The following ESR1 variants were observed in gnomAD, a reference collection of about 807,000 sequenced individuals.
ESR1 encodes estrogen receptor.
A neutral mutation model predicts 52.7 loss-of-function variants in ESR1; 12 were observed. That is an observed-to-expected ratio of 0.23 (90% CI 0.15 to 0.37). The LOEUF is 0.37. Ranked by LOEUF, ESR1 falls within the 10% of genes least tolerant of loss-of-function variation. The probability of loss-of-function intolerance (pLI) is 1.00; values close to 1 mark genes in which losing one functional copy is unlikely to be tolerated. For synonymous variants in ESR1, 305 were observed against 316.8 expected (o/e 0.96, Z 0.39); for missense variants, 584 against 779.7 (o/e 0.75, Z 2.99).
chr6:152,128,151 C>T (rs185651131), exon 7 of ESR1: 6 of 152,144 alleles, frequency 3.9e-5, no homozygotes, highest in Admixed American at 2.0e-4. Flanking sequence ...GAATTAATGG[C>T]GATAAGGTTA....
intron 6 of ESR1, among the ~76,000 whole-genome samples, chr6:152,071,924 C>G (rs2048381944): frequency 6.6e-6 from 1 of 152,140 alleles, no homozygotes; most frequent in Admixed American, 6.5e-5. Flanking sequence ...AAGGCTCTTG[C>G]TACATATTGC....
At chr6:151,693,820 G>A (rs1359717428) in intron 1 of ESR1, among the ~76,000 whole-genome samples, 1 of 152,172 alleles carries the variant, frequency 6.6e-6, no homozygotes, top group African/African-American at 2.4e-5. Context: ...GTTTTACCAT[G>A]TTGGCCAGGC....
chr6:151,667,779 A>T (rs1398302305), intron 1 of ESR1, among the ~76,000 whole-genome samples: 1 of 152,226 alleles, frequency 6.6e-6, no homozygotes, highest in South Asian at 2.1e-4. Flanking sequence ...ACATCAAAAT[A>T]TGCTGATGAG....
intron 1 of ESR1, among the ~76,000 whole-genome samples, chr6:151,673,061 C>T (rs879363492): frequency 2.0e-5 from 3 of 149,388 alleles, no homozygotes; most frequent in Non-Finnish European, 3.0e-5. Context: ...CTTCTGACCT[C>T]GTGATCCGCC....
intron 2 of ESR1, among the ~76,000 whole-genome samples, chr6:151,742,658 A>C (rs1345597254): frequency 6.6e-6 from 1 of 152,204 alleles, no homozygotes; most frequent in Non-Finnish European, 1.5e-5. Flanking sequence ...AGTTACTGCC[A>C]TATAAAAAGT....
chr6:151,909,516 A>G (rs773142594), intron 3 of ESR1, among the ~76,000 whole-genome samples: 9 of 152,356 alleles, frequency 5.9e-5, no homozygotes, highest in Middle Eastern at 3.4e-3. Flanking sequence ...ACACCAGGAA[A>G]GTCTTCAGAT....
chr6:151,939,371 T>A (rs912878414), intron 3 of ESR1, among the ~76,000 whole-genome samples: 1 of 152,216 alleles, frequency 6.6e-6, no homozygotes, highest in Admixed American at 6.5e-5. Context: ...CATATCACTC[T>A]ATGTTGCTGC....
chr6:152,127,642 C>T (rs2152617433), exon 7 of ESR1: 1 of 152,268 alleles, frequency 6.6e-6, no homozygotes, highest in African/African-American at 2.4e-5. Flanking sequence ...ACAGAGAAAC[C>T]TATCGGAGCC....
intron 3 of ESR1, among the ~76,000 whole-genome samples, chr6:151,922,078 A>G (rs150078084): frequency 4.7e-4 from 72 of 152,266 alleles, no homozygotes; most frequent in Middle Eastern, 3.4e-3. Flanking sequence ...CAAAACTTCA[A>G]TAACCAAAAC....
intron 1 of ESR1, among the ~76,000 whole-genome samples, chr6:151,670,998 C>T (rs920413322): frequency 1.3e-5 from 2 of 152,118 alleles, no homozygotes; most frequent in Non-Finnish European, 2.9e-5. Context: ...GAACTCCTGG[C>T]CCCAAGTGAT....
intron 3 of ESR1, among the ~76,000 whole-genome samples, chr6:151,943,919 T>C (rs2035407037): frequency 6.6e-6 from 1 of 152,182 alleles, no homozygotes; most frequent in South Asian, 2.1e-4. Context: ...GGCCTGAAGT[T>C]TGTTATGGTG....
chr6:151,673,422 G>T (rs939945274), intron 1 of ESR1, among the ~76,000 whole-genome samples: 1 of 151,984 alleles, frequency 6.6e-6, no homozygotes, highest in Non-Finnish European at 1.5e-5. Context: ...TCTCTATCTT[G>T]TTTGGTCAGG....
chr6:151,737,249 C>T (rs138107828), intron 2 of ESR1, among the ~76,000 whole-genome samples: 4 of 152,004 alleles, frequency 2.6e-5, no homozygotes, highest in Non-Finnish European at 4.4e-5. Context: ...TATTTTTAGA[C>T]GTATGTTTGG....
chr6:152,062,195 C>T (rs1455992881), intron 6 of ESR1, among the ~76,000 whole-genome samples: 12 of 152,142 alleles, frequency 7.9e-5, no homozygotes, highest in Non-Finnish European at 1.8e-4. Context: ...GATCCCTTCC[C>T]GCTTCCCCTA....
At chr6:151,891,483 C>G (rs976220629) in intron 3 of ESR1, among the ~76,000 whole-genome samples, 22 of 151,844 alleles carry the variant, frequency 1.4e-4, no homozygotes, top group African/African-American at 5.3e-4. Context: ...TTTCCATATG[C>G]TTTTTTTTGT....
intron 6 of ESR1, among the ~76,000 whole-genome samples, chr6:152,086,279 GGCT>G (rs909638535): frequency 6.6e-6 from 1 of 151,734 alleles, no homozygotes; most frequent in African/African-American, 2.4e-5. Context: ...ATGAAAAGAA[GGCT>G]CCTAAGGAAA....
intron 2 of ESR1, among the ~76,000 whole-genome samples, chr6:151,789,464 T>C (rs2128130175): frequency 6.6e-6 from 1 of 152,316 alleles, no homozygotes; most frequent in South Asian, 2.1e-4. Context: ...AACTATCAGT[T>C]ATAGGATCCA....
At chr6:151,810,452 T>A (rs923318902) in intron 1 of ESR1, among the ~76,000 whole-genome samples, 1 of 152,198 alleles carries the variant, frequency 6.6e-6, no homozygotes, top group African/African-American at 2.4e-5. Context: ...GGACAGATAT[T>A]ATTTAGTATT....
At chr6:151,744,264 C>T (rs1445653367) in intron 2 of ESR1, among the ~76,000 whole-genome samples, 3 of 152,132 alleles carry the variant, frequency 2.0e-5, no homozygotes, top group African/African-American at 7.2e-5. Flanking sequence ...GGGACATGTG[C>T]TAACTGTATT....
Sources: gnomAD v4.1 joint callset for allele counts (sites outside exome capture counted in the v4.1 genomes callset) on GRCh38, gnomAD v4.1.1 for gene constraint, MANE v1.5 for transcripts, NCBI Gene and HGNC (gene_info 2026-07-23, HGNC 2026-07-21) for gene names.